The following ZMYND15 variants were observed in gnomAD, a reference collection of about 807,000 sequenced individuals.
ZMYND15 encodes the protein zinc finger MYND-type containing 15.
ZMYND15 carries 54 observed loss-of-function variants against 81.7 expected under a neutral mutation model. That is an observed-to-expected ratio of 0.66 (90% CI 0.53 to 0.83). ZMYND15 has a LOEUF of 0.83. Ranked by LOEUF, ZMYND15 falls within the 40% of genes least tolerant of loss-of-function variation. The pLI is 0.00. For synonymous variants in ZMYND15, 399 were observed against 387.0 expected (o/e 1.03, Z -0.36); for missense variants, 925 against 973.5 (o/e 0.95, Z 0.66).
At position 4,739,918 on chromosome 17, in the gene ZMYND15, G is replaced by A. The variant is rs1300222293; in HGVS notation, c.-163G>A. The A allele has an allele frequency of 1.0e-6, 1 of 985,206 alleles. No individual in the cohort carries two copies. The highest frequency in any genetic ancestry group is 1.2e-6 in the Non-Finnish European group (1 of 830,004). 61.0% of individuals were successfully genotyped at this position (985,206 alleles called of 1,614,324 possible). ...GCGCGCACCTGCGGGGCAGCCACCC[G>A]CGGACGCACCGAGCCCGGGGGGCGT... On this transcript the variant is annotated 5_prime_UTR_variant, in exon 1 of 14. Coordinates refer to ENST00000433935, the MANE Select transcript of ZMYND15 (RefSeq NM_001136046.3). This position sits in a 1 kb window ranked among gnomAD's most constrained non-coding sequence, Gnocchi z 5.3.
intron 1 of ZMYND15, 156 bp from the exon 2 acceptor site, chr17:4,740,363 C>T (rs1916335516): frequency 7.9e-7 from 1 of 1,270,140 alleles, no homozygotes; most frequent in Non-Finnish European, 1.0e-6. Context: ...AAACTCCCAT[C>T]CTCAGCCCTG....
In ZMYND15 at chr17:4,746,045, ACACT is replaced by A; in HGVS notation, c.*58_*61del. 1 of 1,392,462 alleles carries A rather than the reference ACACT, an allele frequency of 7.2e-7. No homozygotes were observed. The highest frequency in any genetic ancestry group is 9.3e-7 in the Non-Finnish European group (1 of 1,071,424). 86.3% of individuals were successfully genotyped at this position (1,392,462 alleles called of 1,614,324 possible). The stretch of plus-strand genomic sequence containing the variant: ...CAAACACTGAAAGGAAAACGTGAAA[ACACT>A]CAAGGCCTAGGGGGAGGACAGGTTG... On this transcript the variant is annotated 3_prime_UTR_variant, in exon 14 of 14. Coordinates refer to ENST00000433935, the MANE Select transcript of ZMYND15 (RefSeq NM_001136046.3).
Position 4,742,239 on chromosome 17 carries a change from C to T in ZMYND15, c.984-92C>T, listed in dbSNP as rs1307969011. On this transcript the variant is annotated intron_variant, in intron 4 of 13. Coordinates refer to ENST00000433935, the MANE Select transcript of ZMYND15 (RefSeq NM_001136046.3). ...GTTAGAGGGTGTAAGACAAACAGAC[C>T]GAGTGACATATGGGCAGCTGCTGGG... The T allele has an allele frequency of 8.4e-6, 13 of 1,553,460 alleles. No individual in the cohort carries two copies. In the South Asian group the frequency reaches 9.4e-5, roughly 11 times the overall value.
intron 2 of ZMYND15, 111 bp downstream of exon 2, chr17:4,741,251 A>T (rs1227712220): frequency 3.1e-6 from 4 of 1,280,378 alleles, no homozygotes; most frequent in Non-Finnish European, 3.0e-6. Flanking sequence ...TCTGGCCTGA[A>T]AAGGTGTTTT....
At chr17:4,742,735 C>A (rs938765373) in intron 5 of ZMYND15, among the ~76,000 whole-genome samples, 1 of 152,178 alleles carries the variant, frequency 6.6e-6, no homozygotes, top group Non-Finnish European at 1.5e-5. Flanking sequence ...CAAACACTTA[C>A]TTGCTTCCCA....
Position 4,741,017 on chromosome 17 carries a change from G to A in ZMYND15, c.469G>A (p.Glu157Lys), listed in dbSNP as rs774338342. ...CCCTACCAGCAGGGAGTCCCCCCAG[G>A]AAACAAACCCTCCAGGAGAGTCAGA... ...LAPTSRESPQETNPPGESEEA... is the reference protein window; with the variant it reads ...LAPTSRESPQKTNPPGESEEA... Residue 157 changes from glutamate (E) to lysine (K), a missense_variant, in exon 2 of 14, where the codon GAA (glutamate) becomes AAA (lysine). Transcript: ENST00000433935. 6.4e-7 allele frequency: 1 copy of A among 1,554,478 alleles called. No individual in the cohort carries two copies. Among genetic ancestry groups the A allele is most frequent in the South Asian group, 1.2e-5 (1 of 84,266 alleles).
Position 4,742,491 on chromosome 17 carries a change from G to A in ZMYND15, c.1144G>A (p.Glu382Lys). The change falls in exon 5 of 14, where the codon GAG becomes AAG. Residue 382 changes from glutamate to lysine, a missense_variant and splice_region_variant. Physicochemically the swap from Glu to Lys is moderately conservative, Grantham distance 56 (BLOSUM62 1). Transcript: ENST00000433935. ...LATLPFTYTA[E>K]VTSETFNKEA... ...AACCCTGCCTTTTACCTACACCGCAGGTACCATAAGGAGGTCAGAATGGTT... is the reference window on the plus strand; with the variant it reads ...AACCCTGCCTTTTACCTACACCGCAAGTACCATAAGGAGGTCAGAATGGTT... 1.2e-6 allele frequency: 2 copies of A among 1,613,516 alleles called. No individual in the cohort carries two copies. The highest frequency in any genetic ancestry group is 1.7e-6 in the Non-Finnish European group (2 of 1,179,626).
At position 4,743,546 on chromosome 17, in the gene ZMYND15, C is replaced by G; in HGVS notation, c.1297+91C>G. 1 of 1,539,846 alleles carries G rather than the reference C, an allele frequency of 6.5e-7. No homozygotes were observed. On this transcript the variant is annotated intron_variant, in intron 6 of 13. Coordinates refer to ENST00000433935, the MANE Select transcript of ZMYND15 (RefSeq NM_001136046.3). This position sits in a 1 kb window ranked among gnomAD's most constrained non-coding sequence, Gnocchi z 4.3. ...GGGTCCCAGATGATCCCTCCACATACACACTGACCCCTACCAACAGCACCA... is the reference window on the plus strand; with the variant it reads ...GGGTCCCAGATGATCCCTCCACATAGACACTGACCCCTACCAACAGCACCA...
At position 4,740,696 on chromosome 17, in the gene ZMYND15, C is replaced by T; in HGVS notation, c.148C>T (p.Leu50=). The change falls in exon 2 of 14, where the codon CTA becomes TTA. Residue 50 remains leucine, a synonymous_variant. Transcript: ENST00000433935. ...GCAGCTGGAGGCCCAGATCAGAAGG[C>T]TACCCCAGGACCCTGCCCTTTGGGT... ...CRQLEAQIRR[L]PQDPALWVLH... The T allele has an allele frequency of 6.2e-7, 1 of 1,613,988 alleles. No individual in the cohort carries two copies.
In ZMYND15 at chr17:4,741,930, G is replaced by C. The variant is rs761705349; in HGVS notation, c.843G>C (p.Leu281Phe). 3 of 1,614,154 alleles carry C rather than the reference G, an allele frequency of 1.9e-6. No homozygotes were observed. Among genetic ancestry groups the C allele is most frequent in the South Asian group, 1.1e-5 (1 of 91,082 alleles). Residue 281 changes from leucine (L) to phenylalanine (F), a missense_variant, in exon 4 of 14, where the codon TTG becomes TTC. Leu to Phe is a conservative substitution (Grantham distance 22). Transcript: ENST00000433935. ...CTGCATTTAGAGAGCTGGAGAGCTTGGTCCCAAGGCTAGGTGTGAAGTTAG... is the reference window on the plus strand; with the variant it reads ...CTGCATTTAGAGAGCTGGAGAGCTTCGTCCCAAGGCTAGGTGTGAAGTTAG... ...DARLHRELES[L>F]VPRLGVKLAK...
chr17:4,741,269 C>A, intron 2 of ZMYND15, 129 bp downstream of exon 2: 2 of 1,100,378 alleles, frequency 1.8e-6, no homozygotes, highest in Non-Finnish European at 2.4e-6. Context: ...TTTTATTGAC[C>A]CACAGTGGGG....
rs1567698324 is a variant in ZMYND15 at position 4,742,004 on chromosome 17, C to T, written c.917C>T (p.Ala306Val). The T allele has an allele frequency of 6.2e-7, 1 of 1,614,206 alleles. No individual in the cohort carries two copies. The highest frequency in any genetic ancestry group is 1.1e-5 in the South Asian group (1 of 91,084). Reference protein sequence around the residue: ...TWGPRPGFTFASLRARTCHVC... With the variant: ...TWGPRPGFTFVSLRARTCHVC... ...GGTCCCCGGCCAGGCTTCACCTTTGCTTCCCTTCGTGCTCGAACCTGCCAT... is the reference window on the plus strand; with the variant it reads ...GGTCCCCGGCCAGGCTTCACCTTTGTTTCCCTTCGTGCTCGAACCTGCCAT... The change falls in exon 4 of 14, where the codon GCT becomes GTT. Residue 306 changes from alanine (A) to valine (V), a missense_variant. Physicochemically the swap from Ala to Val is moderately conservative, Grantham distance 64. Coordinates refer to ENST00000433935, the MANE Select transcript of ZMYND15 (RefSeq NM_001136046.3).
chr17:4,741,453 T>C (rs572032869), intron 2 of ZMYND15, 129 bp from the exon 3 acceptor site: 1 of 1,033,272 alleles, frequency 9.7e-7, no homozygotes, highest in South Asian at 1.5e-5. Flanking sequence ...GTGCCCTCTC[T>C]ACCCAGAGCC....
In ZMYND15 at chr17:4,741,125, A is replaced by C. The variant is rs1486650859; in HGVS notation, c.577A>C (p.Lys193Gln). ...GAACGAAACAAGACCCCAGAAGAGG[A>C]AGGGACAGAGGAGTGGTAAGAACCC... ...VENETRPQKRKGQRSEAAPLH... is the reference protein window; with the variant it reads ...VENETRPQKRQGQRSEAAPLH... Residue 193 changes from lysine to glutamine, a missense_variant, in exon 2 of 14, where the codon AAG becomes CAG. Lys to Gln is a moderately conservative substitution (Grantham distance 53, BLOSUM62 1). Transcript: ENST00000433935. 2.0e-6 allele frequency: 3 copies of C among 1,493,084 alleles called. No individual in the cohort carries two copies. Among genetic ancestry groups the C allele is most frequent in the Admixed American group, 2.3e-5 (1 of 44,436 alleles). The allele number at this position is 1,493,084 out of a possible 1,614,324, so 92.5% of individuals were successfully genotyped here. A position where few individuals can be genotyped will look rare whatever the true frequency, so the allele number is the denominator to read the frequency against.
chr17:4,745,542 G>A lies in ZMYND15; in HGVS notation c.2057+167G>A, dbSNP rs1295249658. Among the ~76,000 whole-genome samples, 1 of 151,730 alleles carries A rather than the reference G, an allele frequency of 6.6e-6. No homozygotes were observed. Among genetic ancestry groups the A allele is most frequent in the Non-Finnish European group, 1.5e-5 (1 of 67,902 alleles). On this transcript the variant is annotated intron_variant, in intron 13 of 13. Coordinates refer to ENST00000433935, the MANE Select transcript of ZMYND15 (RefSeq NM_001136046.3). This position sits in a 1 kb window ranked among gnomAD's most constrained non-coding sequence, Gnocchi z 5.2. ...TCCCCACTACTCGTCGCCCCCATGG[G>A]AGGTCTCGACATCCCCCAGCACACC...
In ZMYND15 at chr17:4,744,836, T is replaced by C. The variant is rs375435770; in HGVS notation, c.1838-34T>C. On this transcript the variant is annotated intron_variant, in intron 11 of 13. Transcript: ENST00000433935. This position sits in a 1 kb window ranked among gnomAD's most constrained non-coding sequence, Gnocchi z 4.1. ...GGGAAGGTGGGAGAGAAGCCCACCGTGGGAGCCAGCTTCTCCCTCCTCTCT... is the reference window on the plus strand; with the variant it reads ...GGGAAGGTGGGAGAGAAGCCCACCGCGGGAGCCAGCTTCTCCCTCCTCTCT... The C allele has an allele frequency of 1.3e-5, 21 of 1,614,010 alleles. No individual in the cohort carries two copies. In the African/African-American group the frequency reaches 2.3e-4, roughly 17 times the overall value.
rs1178293341 is a variant in ZMYND15 at position 4,739,953 on chromosome 17, C to T, written c.-128C>T. On this transcript the variant is annotated 5_prime_UTR_variant, in exon 1 of 14. Transcript: ENST00000433935. This position sits in a 1 kb window ranked among gnomAD's most constrained non-coding sequence, Gnocchi z 5.3. ...CGAGCCCGGGGGGCGTGGCCGCCCG[C>T]TGAGCCGGCGAGGGCTCGGGCAGCC... 2.5e-5 allele frequency: 25 copies of T among 985,166 alleles called. No individual in the cohort carries two copies. The highest frequency in any genetic ancestry group is 3.0e-5 in the Non-Finnish European group (25 of 829,924). The allele number at this position is 985,166 out of a possible 1,614,324, so 61.0% of individuals were successfully genotyped here.
chr17:4,745,898 C>A lies in ZMYND15; in HGVS notation c.2137C>A (p.Pro713Thr). Reference sequence around the variant, plus strand: ...GGCCCGCCCGGCGCCCGGGCCCCCACCCCCATCCCCAACTCCCTCTGCTCC... The same window carrying A: ...GGCCCGCCCGGCGCCCGGGCCCCCAACCCCATCCCCAACTCCCTCTGCTCC... ...SGARPAPGPP[P>T]PSPTPSAPPA... The change falls in exon 14 of 14, where the codon CCC becomes ACC. Residue 713 changes from proline (P) to threonine (T), a missense_variant. Transcript: ENST00000433935. This position sits in a 1 kb window ranked among gnomAD's most constrained non-coding sequence, Gnocchi z 5.2. 6.5e-7 allele frequency: 1 copy of A among 1,546,520 alleles called. No individual in the cohort carries two copies. The highest frequency in any genetic ancestry group is 8.7e-7 in the Non-Finnish European group (1 of 1,148,926).
In ZMYND15 at chr17:4,742,132, G is replaced by C. The variant is rs536745959; in HGVS notation, c.983+62G>C. The C allele has an allele frequency of 1.9e-6, 3 of 1,600,460 alleles. No individual in the cohort carries two copies. The African/African-American group carries it at 4.0e-5, about 21-fold the overall frequency. On this transcript the variant is annotated intron_variant, in intron 4 of 13. Transcript: ENST00000433935. ...AATAGGCAAATAGAAGGAAGGCAGG[G>C]TGGTGGGGGGCGCCTAGCAGACAGA...
Sources: allele counts gnomAD v4.1 joint callset (sites outside exome capture counted in the v4.1 genomes callset), GRCh38; gene constraint gnomAD v4.1.1; non-coding constraint Gnocchi (gnomAD v3.1); transcripts MANE v1.5; gene names NCBI Gene and HGNC (gene_info 2026-07-23, HGNC 2026-07-21).